Variants in DMBT1 observed in about 807,000 individuals in gnomAD.
DMBT1 encodes the protein scavenger receptor cysteine-rich domain-containing protein DMBT1.
Under a neutral mutation model 252.9 loss-of-function variants are expected in DMBT1, and 198 were observed. The observed-to-expected ratio is 0.78, with a 90% confidence interval of 0.70 to 0.88. The LOEUF (loss-of-function observed/expected upper bound fraction) is 0.88. DMBT1 is among the 40% of genes least tolerant of loss of function. DMBT1 has a pLI of 0.00. For synonymous variants in DMBT1, 990 were observed against 942.7 expected (o/e 1.05, Z -0.92); for missense variants, 2,432 against 2,404.7 (o/e 1.01, Z -0.24).
rs559027701 is a variant in DMBT1 at position 122,584,358 on chromosome 10, C to T, written c.1420+7C>T. 1,480 of 515,076 alleles carry T rather than the reference C, an allele frequency of 2.9e-3. 75 individuals are homozygous for T. Among genetic ancestry groups the T allele is most frequent in the Non-Finnish European group, 4.4e-3 (1,322 of 302,460 alleles). 31.9% of individuals were successfully genotyped at this position (515,076 alleles called of 1,614,324 possible). A position where few individuals can be genotyped will look rare whatever the true frequency, so the allele number is the denominator to read the frequency against. ...TGGTCGACGCCCAGTCCAGGTGAGT[C>T]CCCAGTGTCCTTCCTTGGGATGTCC... On this transcript the variant is annotated splice_region_variant and intron_variant, in intron 14 of 55. Coordinates refer to ENST00000338354, the MANE Select transcript of DMBT1 (RefSeq NM_001377530.1).
intron 52 of DMBT1, 124 bp downstream of exon 52, chr10:122,633,465 AT>A: frequency 6.8e-7 from 1 of 1,472,234 alleles, no homozygotes; most frequent in Non-Finnish European, 9.1e-7. Flanking sequence ...GAGGGAATAA[AT>A]GGTGCTTAGA....
rs772828515 is a variant in DMBT1 at position 122,633,240 on chromosome 10, C to T, written c.6447C>T (p.Ser2149=). 6.2e-7 allele frequency: 1 copy of T among 1,614,024 alleles called. No individual in the cohort carries two copies. The highest frequency in any genetic ancestry group is 1.7e-5 in the Admixed American group (1 of 60,024). Residue 2149 remains serine, a synonymous_variant, in exon 52 of 56, where the codon TCC becomes TCT. Coordinates refer to ENST00000338354, the MANE Select transcript of DMBT1 (RefSeq NM_001377530.1). ...TATCCCAACCATCAGGGGACTTTTC[C>T]AGCCCATTCTATCCCGGGAACTATC... The part of the protein sequence containing the change: ...GFLSQPSGDF[S]SPFYPGNYPN...
At chr10:122,599,743 G>A (rs561921669) in intron 26 of DMBT1, among the ~76,000 whole-genome samples, 1 of 152,334 alleles carries the variant, frequency 6.6e-6, no homozygotes, top group South Asian at 2.1e-4. Context: ...CGGCACAAGG[G>A]ATTTTGGCTG....
At chr10:122,626,926 T>C (rs922173910) in intron 46 of DMBT1, among the ~76,000 whole-genome samples, 1 of 152,108 alleles carries the variant, frequency 6.6e-6, no homozygotes, top group Non-Finnish European at 1.5e-5. Flanking sequence ...GAAGGGATGC[T>C]TTGAAGGCCC....
At chr10:122,620,476 G>A (rs2098054619) in intron 43 of DMBT1, among the ~76,000 whole-genome samples, 185 bp downstream of exon 43, 1 of 152,200 alleles carries the variant, frequency 6.6e-6, no homozygotes, top group Non-Finnish European at 1.5e-5. Flanking sequence ...GAGGGTGCTG[G>A]TGACCTGTCT....
intron 46 of DMBT1, among the ~76,000 whole-genome samples, chr10:122,627,664 C>T (rs1439140939): frequency 6.6e-6 from 1 of 152,132 alleles, no homozygotes. Context: ...ATATGTAACT[C>T]GTATCCTTGT....
At chr10:122,560,886 G>T (rs921251218) in intron 1 of DMBT1, 55 bp downstream of exon 1, 6 of 1,341,920 alleles carry the variant, frequency 4.5e-6, no homozygotes, top group Non-Finnish European at 6.2e-6. Context: ...CCCAATCATG[G>T]CAAATTATAT....
rs762724230 is a variant in DMBT1 at position 122,599,070 on chromosome 10, A to G, written c.3253A>G (p.Ser1085Gly). 1.2e-6 allele frequency: 2 copies of G among 1,613,838 alleles called. No homozygotes were observed. The highest frequency in any genetic ancestry group is 1.7e-5 in the Admixed American group (1 of 60,018). Reference sequence around the variant, plus strand: ...CTGGCTCTCCCACAACTGTGGCCATAGTGAAGACGCTGGTGTCATCTGCTC... The same window carrying G: ...CTGGCTCTCCCACAACTGTGGCCATGGTGAAGACGCTGGTGTCATCTGCTC... The part of the protein sequence containing the change: ...NGWLSHNCGH[S>G]EDAGVICSAS... Residue 1085 changes from serine to glycine, a missense_variant, in exon 26 of 56, where the codon AGT becomes GGT. Coordinates refer to ENST00000338354, the MANE Select transcript of DMBT1 (RefSeq NM_001377530.1).
chr10:122,573,336 T>G (rs1025590880), intron 5 of DMBT1, among the ~76,000 whole-genome samples: 4 of 152,144 alleles, frequency 2.6e-5, no homozygotes, highest in Admixed American at 2.6e-4. Context: ...AACCACCTTC[T>G]CAGAAATATT....
At chr10:122,584,418 C>G (rs953562583) in intron 14 of DMBT1, 67 bp downstream of exon 14, 9 of 336,926 alleles carry the variant, frequency 2.7e-5, no homozygotes, top group Non-Finnish European at 4.9e-5. Context: ...TTTCTGCACT[C>G]CACAGAGCCC....
In DMBT1 at chr10:122,579,567, T is replaced by C. The variant is rs3927390; in HGVS notation, c.680-11T>C. Reference sequence around the variant, plus strand: ...TAGGGATGGATGAAGGGTTCTTGTGTTCCCCTGTAGGATCTGAATCCAGTT... The same window carrying C: ...TAGGGATGGATGAAGGGTTCTTGTGCTCCCCTGTAGGATCTGAATCCAGTT... On this transcript the variant is annotated splice_polypyrimidine_tract_variant and intron_variant, in intron 9 of 55. Transcript: ENST00000338354. 1.9e-6 allele frequency: 3 copies of C among 1,612,236 alleles called. No homozygotes were observed. Among genetic ancestry groups the C allele is most frequent in the African/African-American group, 1.3e-5 (1 of 74,904 alleles).
chr10:122,585,154 T>C, intron 14 of DMBT1, 117 bp from the exon 15 acceptor site: 3 of 1,333,470 alleles, frequency 2.2e-6, no homozygotes, highest in Non-Finnish European at 3.2e-6. Context: ...GGGAGCAAAG[T>C]GGCAGGAATC....
At chr10:122,599,193 T>C (rs559305626) in intron 26 of DMBT1, 96 bp downstream of exon 26, 6 of 1,580,136 alleles carry the variant, frequency 3.8e-6, no homozygotes, top group Admixed American at 1.8e-5. Context: ...CAAAGCTTCT[T>C]CTATGTTTTC....
At chr10:122,590,438 G>A (rs1192672758) in intron 17 of DMBT1, among the ~76,000 whole-genome samples, 1 of 148,682 alleles carries the variant, frequency 6.7e-6, no homozygotes, top group African/African-American at 2.4e-5. Flanking sequence ...CCTGATTACT[G>A]TGGGTAGACA....
At chr10:122,562,430 G>A (rs1233790699) in intron 1 of DMBT1, among the ~76,000 whole-genome samples, 2 of 152,188 alleles carry the variant, frequency 1.3e-5, no homozygotes, top group Non-Finnish European at 2.9e-5. Context: ...CCTGTGATGA[G>A]TGTGTGGAGG....
In DMBT1 at chr10:122,592,252, G is replaced by A; in HGVS notation, c.2177-20G>A. 1 of 1,584,988 alleles carries A rather than the reference G, an allele frequency of 6.3e-7. No individual in the cohort carries two copies. Among genetic ancestry groups the A allele is most frequent in the Non-Finnish European group, 8.6e-7 (1 of 1,164,790 alleles). On this transcript the variant is annotated intron_variant, in intron 19 of 55. Coordinates refer to ENST00000338354, the MANE Select transcript of DMBT1 (RefSeq NM_001377530.1). ...ACCTCATGGTAGGGATGGATAAAGG[G>A]TTCTTGTGTTCCCCTGTAGGATCTG...
In DMBT1 at chr10:122,635,978, C is replaced by A; in HGVS notation, c.6549-13C>A. 1 of 1,613,602 alleles carries A rather than the reference C, an allele frequency of 6.2e-7. No individual in the cohort carries two copies. The highest frequency in any genetic ancestry group is 8.5e-7 in the Non-Finnish European group (1 of 1,179,850). On this transcript the variant is annotated splice_polypyrimidine_tract_variant and intron_variant, in intron 52 of 55. Coordinates refer to ENST00000338354, the MANE Select transcript of DMBT1 (RefSeq NM_001377530.1). ...GAGGAAATGAAGCCAAATGGTGTGT[C>A]CTCTCTCTGCAGGCTTGAAGGTGGC... is the stretch of plus-strand genomic sequence containing the variant.
intron 20 of DMBT1, among the ~76,000 whole-genome samples, chr10:122,592,840 C>T (rs1411700799): frequency 6.7e-6 from 1 of 148,576 alleles, no homozygotes; most frequent in Non-Finnish European, 1.5e-5. Context: ...TGAGGCAGTG[C>T]AAGAAAGAGG....
At chr10:122,572,806 T>C (rs577826600) in intron 5 of DMBT1, among the ~76,000 whole-genome samples, 13 of 152,268 alleles carry the variant, frequency 8.5e-5, no homozygotes, top group African/African-American at 3.1e-4. Flanking sequence ...AGTTTCTCCC[T>C]TTTTAAAATT....
Sources: allele counts gnomAD v4.1 joint callset (sites outside exome capture counted in the v4.1 genomes callset), GRCh38; gene constraint gnomAD v4.1.1; transcripts MANE v1.5; gene names NCBI Gene and HGNC (gene_info 2026-07-23, HGNC 2026-07-21).